The following NRXN1 variants were observed in gnomAD, a reference collection of about 807,000 sequenced individuals.
NRXN1 encodes neurexin-1.
A neutral mutation model predicts 150.9 loss-of-function variants in NRXN1; 39 were observed. That is an observed-to-expected ratio of 0.26 (90% CI 0.20 to 0.34). NRXN1 has a LOEUF of 0.34. NRXN1 is among the 10% of genes least tolerant of loss of function. The pLI is 1.00. For missense variants in NRXN1, 1,815 were observed against 1,949.9 expected (o/e 0.93, Z 1.30); for synonymous variants, 924 against 757.0 (o/e 1.22, Z -3.62).
At chr2:50,458,539 C>T (rs781403509) in intron 17 of NRXN1, among the ~76,000 whole-genome samples, 1 of 151,922 alleles carries the variant, frequency 6.6e-6, no homozygotes, top group Non-Finnish European at 1.5e-5. Context: ...TATTAAAATA[C>T]CACATGTACC....
At chr2:50,956,167 G>A (rs6738305) in intron 2 of NRXN1, among the ~76,000 whole-genome samples, 1 of 151,982 alleles carries the variant, frequency 6.6e-6, no homozygotes, top group African/African-American at 2.4e-5. Context: ...TTTTGAGAGA[G>A]AGAGATCACA....
At chr2:50,557,530 T>C (rs1380621347) in intron 8 of NRXN1, among the ~76,000 whole-genome samples, 1 of 152,146 alleles carries the variant, frequency 6.6e-6, no homozygotes, top group Non-Finnish European at 1.5e-5. Context: ...TCCAGCTCAC[T>C]CATTTTCAAA....
At chr2:50,946,406 C>T (rs940005415) in intron 2 of NRXN1, among the ~76,000 whole-genome samples, 14 of 152,212 alleles carry the variant, frequency 9.2e-5, no homozygotes, top group African/African-American at 3.4e-4. Context: ...TCCAATTTCC[C>T]AAATGTGTAT....
intron 8 of NRXN1, among the ~76,000 whole-genome samples, chr2:50,614,250 A>C (rs1444535304): frequency 1.3e-5 from 2 of 152,136 alleles, no homozygotes; most frequent in Non-Finnish European, 2.9e-5. Context: ...TTTGGAATCC[A>C]TGTGAGTTCT....
At chr2:50,743,050 C>T (rs1699618937) in intron 5 of NRXN1, among the ~76,000 whole-genome samples, 1 of 152,090 alleles carries the variant, frequency 6.6e-6, no homozygotes, top group Non-Finnish European at 1.5e-5. Context: ...CAGTGGTTTC[C>T]AAAATAACAC....
intron 5 of NRXN1, among the ~76,000 whole-genome samples, chr2:50,898,032 G>C (rs6545186): frequency 0.045 from 6,780 of 152,194 alleles, 527 homozygotes; most frequent in African/African-American, 0.15. Context: ...GTTTAGTTTA[G>C]ATATGCCAGG....
intron 21 of NRXN1, among the ~76,000 whole-genome samples, chr2:50,004,061 G>C (rs1217595330): frequency 6.6e-6 from 1 of 152,118 alleles, no homozygotes; most frequent in African/African-American, 2.4e-5. Flanking sequence ...TGGTGAAAGG[G>C]AGGTGAGGTA....
intron 3 of NRXN1, 104 bp from the exon 4 acceptor site, chr2:50,922,791 T>C (rs1451011268): frequency 1.4e-5 from 16 of 1,123,202 alleles, no homozygotes; most frequent in South Asian, 4.0e-5. Context: ...TCTTTTCCTA[T>C]GAGACATGTC....
chr2:50,845,992 G>T (rs1204856376), intron 5 of NRXN1, among the ~76,000 whole-genome samples: 1 of 152,184 alleles, frequency 6.6e-6, no homozygotes, highest in East Asian at 1.9e-4. Context: ...ATTGCTGACT[G>T]GCTTTAGAGA....
chr2:50,722,277 G>T (rs778043265), intron 5 of NRXN1, among the ~76,000 whole-genome samples: 67 of 152,070 alleles, frequency 4.4e-4, no homozygotes, highest in Non-Finnish European at 7.1e-4. Flanking sequence ...GCAAAAGGAG[G>T]TGATAAACAT....
intron 18 of NRXN1, among the ~76,000 whole-genome samples, chr2:50,213,641 C>G (rs866403059): frequency 6.6e-6 from 1 of 151,836 alleles, no homozygotes; most frequent in Non-Finnish European, 1.5e-5. Flanking sequence ...TCTAACCCAC[C>G]GAAATTTTTA....
intron 18 of NRXN1, among the ~76,000 whole-genome samples, chr2:50,133,607 T>C (rs1458903756): frequency 6.6e-6 from 1 of 152,126 alleles, no homozygotes; most frequent in Non-Finnish European, 1.5e-5. Flanking sequence ...ACTAGTTGTG[T>C]TCTGGAAAAG....
intron 17 of NRXN1, among the ~76,000 whole-genome samples, chr2:50,388,577 G>A (rs984463269): frequency 6.6e-6 from 1 of 152,132 alleles, no homozygotes; most frequent in South Asian, 2.1e-4. Flanking sequence ...TCAGCAGGAA[G>A]TTGGCAGTAA....
chr2:50,546,454 A>G (rs1276001127), intron 9 of NRXN1, among the ~76,000 whole-genome samples: 2 of 152,186 alleles, frequency 1.3e-5, no homozygotes, highest in African/African-American at 4.8e-5. Flanking sequence ...ATGATTCCAT[A>G]ATTCCCAGAA....
intron 9 of NRXN1, among the ~76,000 whole-genome samples, chr2:50,549,032 G>A (rs1175297888): frequency 2.0e-5 from 3 of 152,162 alleles, no homozygotes; most frequent in African/African-American, 7.2e-5. Flanking sequence ...TGTCATAGCA[G>A]TACACTTTCT....
intron 2 of NRXN1, among the ~76,000 whole-genome samples, chr2:50,940,473 C>CAA (rs748999405): frequency 0.016 from 1,208 of 75,064 alleles, 8 homozygotes; most frequent in Non-Finnish European, 0.026. Context: ...GACTCCATCT[C>CAA]AAAAAAAAAA....
intron 17 of NRXN1, among the ~76,000 whole-genome samples, chr2:50,290,866 C>T (rs577537223): frequency 6.6e-6 from 1 of 152,180 alleles, no homozygotes; most frequent in Non-Finnish European, 1.5e-5. Context: ...ATGTGGCTGA[C>T]AGTCTGACTG....
At chr2:50,598,047 G>A (rs1675528787) in intron 8 of NRXN1, among the ~76,000 whole-genome samples, 1 of 152,056 alleles carries the variant, frequency 6.6e-6, no homozygotes, top group Admixed American at 6.6e-5. Flanking sequence ...GCTGAGGCAG[G>A]AGAATTGCTT....
At chr2:50,094,596 CCAAG>C (rs1400772212) in intron 18 of NRXN1, among the ~76,000 whole-genome samples, 2 of 152,022 alleles carry the variant, frequency 1.3e-5, no homozygotes, top group African/African-American at 4.8e-5. Context: ...TGCCCAGTGG[CCAAG>C]CAAAGAGATA....
Sources: gnomAD v4.1 joint callset for allele counts (sites outside exome capture counted in the v4.1 genomes callset) on GRCh38, gnomAD v4.1.1 for gene constraint, MANE v1.5 for transcripts, NCBI Gene and HGNC (gene_info 2026-07-23, HGNC 2026-07-21) for gene names.